The following FER variants were observed in gnomAD, a reference collection of about 807,000 sequenced individuals.
FER encodes the protein FER tyrosine kinase.
A neutral mutation model predicts 111.0 loss-of-function variants in FER; 63 were observed. The ratio of observed to expected loss-of-function variants is 0.57; its 90% CI spans 0.46 to 0.70. The LOEUF is 0.70. Ranked by LOEUF, FER falls within the 30% of genes least tolerant of loss-of-function variation. FER has a pLI of 0.00. For missense variants in FER, 914 were observed against 954.0 expected (o/e 0.96, Z 0.55); for synonymous variants, 327 against 313.9 (o/e 1.04, Z -0.44).
In FER at chr5:108,937,817, C is replaced by G. The variant is rs73209339; in HGVS notation, c.1237-8313C>G. Among the ~76,000 whole-genome samples, 1,278 of 151,564 alleles carry G rather than the reference C, an allele frequency of 8.4e-3. 18 individuals carry two copies. The highest frequency in any genetic ancestry group is 0.029 in the African/African-American group (1,212 of 41,330). On this transcript the variant is annotated intron_variant, in intron 10 of 19. Coordinates refer to ENST00000281092, the MANE Select transcript of FER (RefSeq NM_005246.4). ...TTTGGTGTAGTTATGGGGTGACAGC[C>G]AAATAAGAGCAGATTGAGGAATGAG...
At chr5:108,763,432 A>G (rs745540760) in intron 1 of FER, among the ~76,000 whole-genome samples, 80 of 152,334 alleles carry the variant, frequency 5.3e-4, no homozygotes, top group Non-Finnish European at 9.1e-4. Context: ...GATTTGCATC[A>G]TAGGAGAGGA....
At chr5:108,848,137 C>T (rs1762201162) in intron 5 of FER, among the ~76,000 whole-genome samples, 1 of 152,178 alleles carries the variant, frequency 6.6e-6, no homozygotes, top group Non-Finnish European at 1.5e-5. Flanking sequence ...CCCTGGGCCT[C>T]CCAAAGTGTT....
intron 8 of FER, among the ~76,000 whole-genome samples, chr5:108,877,107 T>C (rs1175139390): frequency 6.6e-6 from 1 of 152,194 alleles, no homozygotes; most frequent in Admixed American, 6.5e-5. Flanking sequence ...TCCAACTATC[T>C]GAATCAACCT....
chr5:108,906,106 T>TAAATTTCCCACA (rs1750725269), intron 10 of FER, among the ~76,000 whole-genome samples: 1 of 152,216 alleles, frequency 6.6e-6, no homozygotes, highest in African/African-American at 2.4e-5. Flanking sequence ...TTTCCCAGTG[T>TAAATTTCCCACA]GTAAAATGAG....
At chr5:108,934,065 T>G (rs974714790) in intron 10 of FER, among the ~76,000 whole-genome samples, 1 of 152,150 alleles carries the variant, frequency 6.6e-6, no homozygotes, top group African/African-American at 2.4e-5. Flanking sequence ...TATTTCTTTC[T>G]CTTGCCTGAT....
At chr5:109,085,858 T>C (rs1195768093) in intron 16 of FER, among the ~76,000 whole-genome samples, 1 of 151,770 alleles carries the variant, frequency 6.6e-6, no homozygotes, top group Non-Finnish European at 1.5e-5. Flanking sequence ...TTGCTGTAGA[T>C]TGATTTTTAA....
chr5:109,062,037 G>C (rs984256985), intron 16 of FER, among the ~76,000 whole-genome samples: 7 of 151,922 alleles, frequency 4.6e-5, no homozygotes, highest in African/African-American at 1.7e-4. Flanking sequence ...TTGCTTGCTT[G>C]CTTGCTTGCT....
In FER at chr5:108,867,949, C is replaced by G. The variant is rs572319194; in HGVS notation, c.664C>G (p.Leu222Val). 2.5e-6 allele frequency: 4 copies of G among 1,593,642 alleles called. No homozygotes were observed. The African/African-American group carries it at 5.4e-5, about 22-fold the overall frequency. Residue 222 changes from leucine to valine, a missense_variant and splice_region_variant, in exon 6 of 20, where the codon CTC (leucine) becomes GTC (valine). Transcript: ENST00000281092. ...QKMQEEMIKA[L>V]KGIFDEYSQI... ...GATGCAAGAAGAAATGATAAAAGCA[C>G]TGTAAGATACATTTTCTTTTTATCA...
At chr5:109,144,323 A>G (rs1229295395) in intron 17 of FER, among the ~76,000 whole-genome samples, 1 of 152,082 alleles carries the variant, frequency 6.6e-6, no homozygotes, top group Non-Finnish European at 1.5e-5. Context: ...ACAAGTACCA[A>G]CTGGGAGTCA....
chr5:108,933,496 G>A (rs1754999323), intron 10 of FER, among the ~76,000 whole-genome samples: 1 of 152,110 alleles, frequency 6.6e-6, no homozygotes, highest in Admixed American at 6.5e-5. Context: ...GGTTACTGTA[G>A]CTTTGTAGTA....
intron 13 of FER, among the ~76,000 whole-genome samples, chr5:109,024,087 T>A (rs1768320316): frequency 6.6e-6 from 1 of 152,140 alleles, no homozygotes; most frequent in Non-Finnish European, 1.5e-5. Context: ...TTGCTGAAAG[T>A]TACACAGCTA....
intron 5 of FER, among the ~76,000 whole-genome samples, chr5:108,854,757 T>G (rs1378077943): frequency 6.6e-6 from 1 of 151,812 alleles, no homozygotes; most frequent in African/African-American, 2.4e-5. Context: ...CCACTGGCCA[T>G]CATGGTGAAA....
chr5:109,058,736 T>C (rs1175981601), intron 16 of FER, among the ~76,000 whole-genome samples: 1 of 129,558 alleles, frequency 7.7e-6, no homozygotes, highest in Non-Finnish European at 1.6e-5. Flanking sequence ...TTTTTTTTTT[T>C]TTTTTTTTTT....
chr5:108,861,005 C>T (rs1025340092), intron 5 of FER, among the ~76,000 whole-genome samples: 4 of 152,136 alleles, frequency 2.6e-5, no homozygotes, highest in Non-Finnish European at 4.4e-5. Context: ...GATTTAACCA[C>T]CTTCCACCTG....
chr5:109,077,159 T>A (rs1581924944), intron 16 of FER, among the ~76,000 whole-genome samples: 1 of 152,322 alleles, frequency 6.6e-6, no homozygotes, highest in East Asian at 1.9e-4. Flanking sequence ...TTTAACAATA[T>A]TGCTAAAATG....
rs375540795 is a variant in FER, at chr5:109,144,066, A to G, written c.2049-36681A>G. On this transcript the variant is annotated intron_variant, in intron 17 of 19. Coordinates refer to ENST00000281092, the MANE Select transcript of FER (RefSeq NM_005246.4). ...CTGTGTTTCCATAATGTAAATGTCA[A>G]ATCCATTACTCACCACAAAAGCATG... is the stretch of plus-strand genomic sequence containing the variant. Among the ~76,000 whole-genome samples, 4 of 152,054 alleles carry G rather than the reference A, an allele frequency of 2.6e-5. No individual in the cohort carries two copies. The East Asian group carries it at 5.8e-4, about 22-fold the overall frequency.
chr5:108,748,848 G>C (rs113728457), intron 1 of FER: 11,207 of 152,860 alleles, frequency 0.073, 504 homozygotes, highest in South Asian at 0.092. Context: ...CATTGGCTGA[G>C]GCCTCGAGGG....
rs79927586 is a variant in FER at position 108,896,385 on chromosome 5, C to T, written c.1047-1274C>T. ...TAACTAATAAATAAACCAGCATGAA[C>T]TTATGAAGAAGTCTGTGGATTTAGA... On this transcript the variant is annotated intron_variant, in intron 9 of 19. Transcript: ENST00000281092. Among the ~76,000 whole-genome samples, 433 of 152,186 alleles carry T rather than the reference C, an allele frequency of 2.8e-3. 5 individuals are homozygous for T. The highest frequency in any genetic ancestry group is 0.027 in the Middle Eastern group (8 of 294).
At chr5:109,103,344 A>G (rs1748487134) in intron 17 of FER, among the ~76,000 whole-genome samples, 1 of 152,152 alleles carries the variant, frequency 6.6e-6, no homozygotes, top group Non-Finnish European at 1.5e-5. Context: ...GTCTCTTCCC[A>G]AAATAGTGTT....
Sources: gnomAD v4.1 joint callset for allele counts (sites outside exome capture counted in the v4.1 genomes callset) on GRCh38, gnomAD v4.1.1 for gene constraint, MANE v1.5 for transcripts, NCBI Gene and HGNC (gene_info 2026-07-23, HGNC 2026-07-21) for gene names.